Variants in THSD7A observed in about 807,000 individuals in gnomAD.
THSD7A encodes thrombospondin type-1 domain-containing protein 7A.
A neutral mutation model predicts 231.3 loss-of-function variants in THSD7A; 96 were observed. The observed-to-expected ratio is 0.41, with a 90% confidence interval of 0.35 to 0.49. THSD7A has a LOEUF of 0.49. Among genes scored for constraint, THSD7A ranks in the 20% least tolerant of loss-of-function variants. THSD7A has a pLI of 0.05. For synonymous variants in THSD7A, 940 were observed against 743.3 expected, an observed-to-expected ratio of 1.26 and a Z score of -4.30; for missense variants, 2,290 against 2,070.2, an observed-to-expected ratio of 1.11 and a Z score of -2.06.
chr7:11,603,820 T>C (rs922529842), intron 2 of THSD7A, among the ~76,000 whole-genome samples: 10 of 142,796 alleles, frequency 7.0e-5, no homozygotes, highest in South Asian at 2.2e-4. Context: ...TAGGTGGGAA[T>C]TGAACAACGA....
intron 11 of THSD7A, among the ~76,000 whole-genome samples, chr7:11,449,222 T>C (rs1785069011): frequency 6.6e-6 from 1 of 152,102 alleles, no homozygotes; most frequent in Non-Finnish European, 1.5e-5. Context: ...CCAAGCTATA[T>C]GAGAACTACT....
chr7:11,695,694 A>G (rs1187312282), intron 1 of THSD7A, among the ~76,000 whole-genome samples: 1 of 151,528 alleles, frequency 6.6e-6, no homozygotes, highest in South Asian at 2.1e-4. Context: ...TGGTCCAAAG[A>G]TAGTAGGTTA....
intron 1 of THSD7A, among the ~76,000 whole-genome samples, chr7:11,691,889 C>T (rs1352669274): frequency 3.3e-5 from 5 of 151,332 alleles, no homozygotes. Context: ...ATACCATTCT[C>T]AGGAAATAAT....
intron 8 of THSD7A, among the ~76,000 whole-genome samples, chr7:11,472,782 T>C (rs561928693): frequency 3.9e-5 from 6 of 152,142 alleles, no homozygotes; most frequent in Non-Finnish European, 8.8e-5. Context: ...ACAGCAACAT[T>C]TGAAAGGTGA....
intron 1 of THSD7A, among the ~76,000 whole-genome samples, chr7:11,770,897 A>G (rs568530766): frequency 1.9e-3 from 284 of 152,066 alleles, no homozygotes; most frequent in Non-Finnish European, 3.3e-3. Context: ...AAAATCAAAA[A>G]TAATAGTTAT....
chr7:11,628,926 C>T (rs188715032), intron 2 of THSD7A, among the ~76,000 whole-genome samples: 1 of 152,230 alleles, frequency 6.6e-6, no homozygotes, highest in African/African-American at 2.4e-5. Context: ...AAATTGTAGG[C>T]ATCGAGGAGT....
Position 11,542,983 on chromosome 7 carries a change from T to G in THSD7A, c.1588A>C (p.Asn530His), listed in dbSNP as rs753105359. Residue 530 changes from asparagine (N) to histidine (H), a missense_variant, in exon 5 of 28, where the codon AAT (asparagine) becomes CAT (histidine). Physicochemically the swap from Asn to His is moderately conservative, Grantham distance 68. Transcript: ENST00000423059. ...AWGPCTYENC[N>H]DQQGKKGFKL... The stretch of plus-strand genomic sequence containing the variant: ...CTACCTTTTTTCCCTTGCTGATCAT[T>G]ACAGTTTTCATAAGTACAAGGTCCC... The G allele has an allele frequency of 6.2e-7, 1 of 1,613,754 alleles. No homozygotes were observed. Among genetic ancestry groups the G allele is most frequent in the Non-Finnish European group, 8.5e-7 (1 of 1,179,762 alleles).
At chr7:11,718,628 GGTCC>G (rs1781227684) in intron 1 of THSD7A, among the ~76,000 whole-genome samples, 1 of 151,444 alleles carries the variant, frequency 6.6e-6, no homozygotes, top group Non-Finnish European at 1.5e-5. Flanking sequence ...TTAATCCATA[GGTCC>G]TGATATAGAA....
chr7:11,584,249 T>G (rs778773700), intron 4 of THSD7A, among the ~76,000 whole-genome samples: 3 of 152,138 alleles, frequency 2.0e-5, no homozygotes, highest in Non-Finnish European at 4.4e-5. Flanking sequence ...TTAAGATCAT[T>G]TAAAACAACA....
chr7:11,601,681 C>T (rs948420363), intron 2 of THSD7A, among the ~76,000 whole-genome samples: 2 of 152,106 alleles, frequency 1.3e-5, no homozygotes, highest in Non-Finnish European at 2.9e-5. Flanking sequence ...CGACAAATTC[C>T]AGTTCCTGTT....
At chr7:11,564,826 A>G (rs1426899854) in intron 4 of THSD7A, among the ~76,000 whole-genome samples, 1 of 152,202 alleles carries the variant, frequency 6.6e-6, no homozygotes, top group Admixed American at 6.5e-5. Context: ...TATAGAAATA[A>G]ACATATGTCA....
intron 6 of THSD7A, among the ~76,000 whole-genome samples, chr7:11,490,329 T>C (rs557088265): frequency 4.6e-5 from 7 of 152,270 alleles, no homozygotes; most frequent in Admixed American, 3.9e-4. Flanking sequence ...TCTTATTTCA[T>C]TGAATTTAAC....
chr7:11,457,788 C>T (rs1303538371), intron 11 of THSD7A, among the ~76,000 whole-genome samples: 2 of 152,078 alleles, frequency 1.3e-5, no homozygotes, highest in South Asian at 4.1e-4. Context: ...AAACACTTAG[C>T]TTATAGAATT....
chr7:11,521,039 C>G (rs1455513774), intron 6 of THSD7A, among the ~76,000 whole-genome samples: 1 of 152,136 alleles, frequency 6.6e-6, no homozygotes, highest in African/African-American at 2.4e-5. Flanking sequence ...AAAATGTAAT[C>G]ATTTAAAATG....
intron 1 of THSD7A, among the ~76,000 whole-genome samples, chr7:11,667,031 TA>T (rs1783162898): frequency 6.6e-6 from 1 of 152,186 alleles, no homozygotes; most frequent in Non-Finnish European, 1.5e-5. Context: ...TCACTGAACT[TA>T]AAACATCCTT....
chr7:11,426,289 A>G (rs762537518), intron 15 of THSD7A, among the ~76,000 whole-genome samples: 1 of 152,148 alleles, frequency 6.6e-6, no homozygotes, highest in Non-Finnish European at 1.5e-5. Flanking sequence ...GTGAATACCC[A>G]TCAGTTCAGA....
intron 6 of THSD7A, among the ~76,000 whole-genome samples, chr7:11,537,000 A>T (rs1788941513): frequency 6.6e-6 from 1 of 152,160 alleles, no homozygotes; most frequent in South Asian, 2.1e-4. Context: ...ATAGGGCATT[A>T]TCTTTCCCTA....
chr7:11,556,182 A>G (rs185257703), intron 4 of THSD7A, among the ~76,000 whole-genome samples: 150 of 151,474 alleles, frequency 9.9e-4, no homozygotes, highest in African/African-American at 3.5e-3. Flanking sequence ...TTAGAATACC[A>G]TTTTGATTTA....
intron 6 of THSD7A, among the ~76,000 whole-genome samples, chr7:11,534,219 G>A (rs1368276750): frequency 1.3e-5 from 2 of 152,160 alleles, no homozygotes. Flanking sequence ...GTAGACCATA[G>A]TAAATTATTT....
Sources: gnomAD v4.1 joint callset for allele counts (sites outside exome capture counted in the v4.1 genomes callset) on GRCh38, gnomAD v4.1.1 for gene constraint, MANE v1.5 for transcripts, NCBI Gene and HGNC (gene_info 2026-07-23, HGNC 2026-07-21) for gene names.